Variants in TSNARE1 observed in about 807,000 individuals in gnomAD.
TSNARE1 encodes the protein t-SNARE domain-containing protein 1.
In TSNARE1, 49 loss-of-function variants were observed where a neutral mutation model predicts 62.0. The observed-to-expected ratio is 0.79, with a 90% CI of 0.63 to 1.00. The LOEUF is 1.00. Among genes scored for constraint, TSNARE1 ranks in the 50% least tolerant of loss-of-function variants. The pLI is 0.00. For missense variants in TSNARE1, 755 were observed against 700.1 expected, an observed-to-expected ratio of 1.08 and a Z score of -0.88; for synonymous variants, 328 against 294.4, an observed-to-expected ratio of 1.11 and a Z score of -1.17.
chr8:142,375,446 T>C (rs1308288688), intron 1 of TSNARE1, among the ~76,000 whole-genome samples: 6 of 152,170 alleles, frequency 3.9e-5, no homozygotes, highest in Non-Finnish European at 8.8e-5. Context: ...TGGCAGAGGA[T>C]GGCGCAGGCC....
chr8:142,338,406 A>C (rs1832073209), intron 4 of TSNARE1, among the ~76,000 whole-genome samples: 1 of 152,168 alleles, frequency 6.6e-6, no homozygotes, highest in South Asian at 2.1e-4. Flanking sequence ...TGAGGAGGGC[A>C]CCCACACAGC....
chr8:142,302,110 C>T (rs936029341), intron 9 of TSNARE1, among the ~76,000 whole-genome samples: 8 of 152,278 alleles, frequency 5.3e-5, no homozygotes, highest in South Asian at 2.1e-4. Context: ...AGGGAGTTCA[C>T]AGCCACCCAA....
At chr8:142,342,564 T>C (rs1220837325) in intron 4 of TSNARE1, among the ~76,000 whole-genome samples, 2 of 152,202 alleles carry the variant, frequency 1.3e-5, no homozygotes, top group Middle Eastern at 3.2e-3. Context: ...CGCCCACAGC[T>C]GGAATCCAGT....
At chr8:142,294,765 G>A (rs780550461) in intron 10 of TSNARE1, among the ~76,000 whole-genome samples, 9 of 152,218 alleles carry the variant, frequency 5.9e-5, no homozygotes, top group African/African-American at 1.9e-4. Flanking sequence ...CTGCAGGGAC[G>A]GGCAGTGGCT....
rs551412450 is a variant in TSNARE1 at position 142,299,250 on chromosome 8, C to T, written c.1290+1236G>A. ...GGGCAAGGGAGAAGGGGCTGAGCCCCAGCACTGTGGGGTATTCCCTTCCTT... is the reference window on the plus strand; with the variant it reads ...GGGCAAGGGAGAAGGGGCTGAGCCCTAGCACTGTGGGGTATTCCCTTCCTT... On this transcript the variant is annotated intron_variant, in intron 10 of 13. Coordinates refer to ENST00000524325, the MANE Select transcript of TSNARE1 (RefSeq NM_145003.5). Among the ~76,000 whole-genome samples, 5 of 152,374 alleles carry T rather than the reference C, an allele frequency of 3.3e-5. No homozygotes were observed. In the South Asian group the frequency reaches 1.0e-3, roughly 32 times the overall value.
intron 9 of TSNARE1, among the ~76,000 whole-genome samples, chr8:142,301,467 G>T (rs530991167): frequency 2.5e-4 from 30 of 120,826 alleles, no homozygotes; most frequent in African/African-American, 9.6e-4. Flanking sequence ...CCCGTCAGGA[G>T]CCCACAGTGC....
chr8:142,260,331 G>A (rs1818794195), intron 12 of TSNARE1, among the ~76,000 whole-genome samples: 2 of 152,164 alleles, frequency 1.3e-5, no homozygotes, highest in African/African-American at 4.8e-5. Context: ...AGAAGGGAAG[G>A]AGGGAAGAAA....
At position 142,217,819 on chromosome 8, in the gene TSNARE1, GGTGTGAGCAGGATCAGGGCTCAGT is replaced by G. The variant is rs1563750776; in HGVS notation, c.*12-5530_*12-5507del. ...GGGTGTGGCCAGGATCAGCGTTCAGGGTGTGAGCAGGATCAGGGCTCAGTGTGTGAGCAGGATCAGGGCTCAGTG... is the reference window on the plus strand; with the variant it reads ...GGGTGTGGCCAGGATCAGCGTTCAGGGTGTGAGCAGGATCAGGGCTCAGTG... On this transcript the variant is annotated intron_variant, in intron 13 of 13. Coordinates refer to ENST00000524325, the MANE Select transcript of TSNARE1 (RefSeq NM_145003.5). 1.1e-4 allele frequency among the ~76,000 whole-genome samples: 14 copies of G among 123,204 alleles called. 1 individual carries two copies. Among genetic ancestry groups the G allele is most frequent in the African/African-American group, 4.5e-4 (14 of 30,930 alleles). 80.8% of individuals were successfully genotyped at this position (123,204 alleles called of 152,430 possible). A position where few individuals can be genotyped will look rare whatever the true frequency, so the allele number is the denominator to read the frequency against.
intron 12 of TSNARE1, among the ~76,000 whole-genome samples, chr8:142,262,222 A>G (rs1395114837): frequency 6.6e-6 from 1 of 152,182 alleles, no homozygotes; most frequent in Non-Finnish European, 1.5e-5. Flanking sequence ...TCAGCCTGCC[A>G]AACTCCTTGA....
At chr8:142,281,531 A>G (rs374881303) in intron 11 of TSNARE1, among the ~76,000 whole-genome samples, 1 of 151,814 alleles carries the variant, frequency 6.6e-6, no homozygotes, top group East Asian at 2.0e-4. Context: ...TACAGTGGGA[A>G]GAGGACATGA....
rs56823056 is a variant in TSNARE1 at position 142,365,633 on chromosome 8, C to CAG, written c.-39-10872_-39-10871dup. On this transcript the variant is annotated intron_variant, in intron 1 of 13. Transcript: ENST00000524325. ...ACACACACACACACACACACACACA[C>CAG]AGAGAGAGAGAGGGGAACAAAGAAT... Among the ~76,000 whole-genome samples the CAG allele has an allele frequency of 4.9e-3, 677 of 138,642 alleles. 5 individuals carry two copies. Among genetic ancestry groups the CAG allele is most frequent in the South Asian group, 0.02 (84 of 4,282 alleles). The allele number at this position is 138,642 out of a possible 152,430, so 91.0% of individuals were successfully genotyped here. A position where few individuals can be genotyped will look rare whatever the true frequency, so the allele number is the denominator to read the frequency against.
intron 1 of TSNARE1, among the ~76,000 whole-genome samples, chr8:142,379,349 A>G (rs1339699748): frequency 2.0e-5 from 3 of 152,176 alleles, no homozygotes; most frequent in African/African-American, 7.2e-5. Flanking sequence ...AGTGAGCAGC[A>G]GCTCTGCACT....
chr8:142,255,970 AC>A (rs1260572575), intron 12 of TSNARE1, among the ~76,000 whole-genome samples: 1 of 135,894 alleles, frequency 7.4e-6, no homozygotes, highest in Non-Finnish European at 1.6e-5. Context: ...CACCACCATC[AC>A]CATCACCACC....
chr8:142,292,929 AC>A (rs1385576104), intron 10 of TSNARE1, among the ~76,000 whole-genome samples: 1 of 152,034 alleles, frequency 6.6e-6, no homozygotes, highest in Non-Finnish European at 1.5e-5. Context: ...CGGGCTCTTC[AC>A]GGGGTGGCAA....
intron 10 of TSNARE1, among the ~76,000 whole-genome samples, chr8:142,288,384 A>T (rs900791649): frequency 9.8e-5 from 15 of 152,376 alleles, no homozygotes; most frequent in Admixed American, 2.6e-4. Flanking sequence ...CAAGACAGGC[A>T]GAGACCCTGT....
intron 1 of TSNARE1, among the ~76,000 whole-genome samples, chr8:142,362,764 A>G (rs1055553853): frequency 1.3e-5 from 2 of 152,218 alleles, no homozygotes; most frequent in African/African-American, 4.8e-5. Flanking sequence ...GTCCAGGAGC[A>G]GAAGACCTGG....
chr8:142,293,794 T>C (rs1266424434), intron 10 of TSNARE1, among the ~76,000 whole-genome samples: 1 of 152,146 alleles, frequency 6.6e-6, no homozygotes, highest in African/African-American at 2.4e-5. Context: ...CCCTGGAGCA[T>C]CTGCATCTAC....
chr8:142,303,494 A>G (rs1016317982), intron 9 of TSNARE1, among the ~76,000 whole-genome samples: 1 of 152,218 alleles, frequency 6.6e-6, no homozygotes, highest in African/African-American at 2.4e-5. Flanking sequence ...GACACCACAC[A>G]GGAGACGGAG....
chr8:142,238,945 G>A (rs1432026339), intron 12 of TSNARE1, among the ~76,000 whole-genome samples: 1 of 152,142 alleles, frequency 6.6e-6, no homozygotes, highest in Non-Finnish European at 1.5e-5. Flanking sequence ...GGTGTTGCTA[G>A]CACGGCTTCC....
Sources: allele counts gnomAD v4.1 joint callset (sites outside exome capture counted in the v4.1 genomes callset), GRCh38; gene constraint gnomAD v4.1.1; transcripts MANE v1.5; gene names NCBI Gene and HGNC (gene_info 2026-07-23, HGNC 2026-07-21).